Variants in RAD50 observed in about 807,000 individuals in gnomAD.
RAD50 encodes DNA repair protein RAD50.
RAD50 carries 132 observed loss-of-function variants against 168.8 expected under a neutral mutation model. The ratio of observed to expected loss-of-function variants is 0.78; its 90% CI spans 0.68 to 0.90. RAD50 has a LOEUF of 0.90. Ranked by LOEUF, RAD50 falls within the 40% of genes least tolerant of loss-of-function variation. The pLI, the probability that RAD50 is intolerant of heterozygous loss-of-function variation, is 0.00. For synonymous variants in RAD50, 525 were observed against 497.4 expected, an observed-to-expected ratio of 1.06 and a Z score of -0.74; for missense variants, 1,347 against 1,534.4, an observed-to-expected ratio of 0.88 and a Z score of 2.04.
At chr5:132,615,420 A>G (rs973914032) in intron 19 of RAD50, among the ~76,000 whole-genome samples, 2 of 152,176 alleles carry the variant, frequency 1.3e-5, no homozygotes, top group Non-Finnish European at 2.9e-5. Flanking sequence ...CAATTTGTCA[A>G]CCTAAAGGTA....
At position 132,643,734 on chromosome 5, in the gene RAD50, G is replaced by GGGGGGGGGGGGGGGGGGGGGCC; in HGVS notation, c.*1370_*1371insGGGGGGGGGGGGGGGGGGGGCC. ...GGGGGTGGTGGTGGGGTGGGGGGGGGTCCTAAATGTAATCACGAGTAAGAT... is the reference window on the plus strand; with the variant it reads ...GGGGGTGGTGGTGGGGTGGGGGGGGGGGGGGGGGGGGGGGGGGGGGCCTCCTAAATGTAATCACGAGTAAGAT... On this transcript the variant is annotated 3_prime_UTR_variant, in exon 25 of 25. Coordinates refer to ENST00000378823, the MANE Select transcript of RAD50 (RefSeq NM_005732.4). The GGGGGGGGGGGGGGGGGGGGGCC allele has an allele frequency of 5.6e-6, 1 of 177,114 alleles. No homozygotes were observed. Among genetic ancestry groups the GGGGGGGGGGGGGGGGGGGGGCC allele is most frequent in the Non-Finnish European group, 1.2e-5 (1 of 84,834 alleles). The allele number at this position is 177,114 out of a possible 1,614,324, so 11.0% of individuals were successfully genotyped here. A position where few individuals can be genotyped will look rare whatever the true frequency, so the allele number is the denominator to read the frequency against.
At chr5:132,630,235 G>A (rs1487976672) in intron 21 of RAD50, among the ~76,000 whole-genome samples, 1 of 151,964 alleles carries the variant, frequency 6.6e-6, no homozygotes, top group African/African-American at 2.4e-5. Context: ...GTAGAGACGG[G>A]GTTTCACCAT....
At chr5:132,637,913 C>G (rs1228063821) in intron 22 of RAD50, 168 bp from the exon 23 acceptor site, 1 of 747,196 alleles carries the variant, frequency 1.3e-6, no homozygotes, top group African/African-American at 1.8e-5. Context: ...GGCCAGACCA[C>G]CAGGCTCTTG....
In RAD50 at chr5:132,591,858, A is replaced by G. The variant is rs536383439; in HGVS notation, c.1636-19A>G. ...GAGATATAGACTTTATTTTTAAAAGATTTTTTTTTTACCTATAGGCTGACA... is the reference window on the plus strand; with the variant it reads ...GAGATATAGACTTTATTTTTAAAAGGTTTTTTTTTTACCTATAGGCTGACA... On this transcript the variant is annotated intron_variant, in intron 10 of 24. Transcript: ENST00000378823. 2 of 1,444,612 alleles carry G rather than the reference A, an allele frequency of 1.4e-6. No homozygotes were observed. Among genetic ancestry groups the G allele is most frequent in the Non-Finnish European group, 1.9e-6 (2 of 1,051,558 alleles). The allele number at this position is 1,444,612 out of a possible 1,614,324, so 89.5% of individuals were successfully genotyped here. A position where few individuals can be genotyped will look rare whatever the true frequency, so the allele number is the denominator to read the frequency against.
chr5:132,579,971 T>A lies in RAD50; in HGVS notation c.661T>A (p.Cys221Ser). The A allele has an allele frequency of 3.7e-6, 6 of 1,612,778 alleles. No homozygotes were observed. The highest frequency in any genetic ancestry group is 5.1e-6 in the Non-Finnish European group (6 of 1,178,876). Residue 221 changes from cysteine (C) to serine (S), a missense_variant, in exon 5 of 25, where the codon TGT becomes AGT. Coordinates refer to ENST00000378823, the MANE Select transcript of RAD50 (RefSeq NM_005732.4). ...KYLKQYKEKA[C>S]EIRDQITSKE... ...TCTGAAGCAATATAAGGAAAAAGCT[T>A]GTGAGATTCGTGATCAGATTACAAG... is the stretch of plus-strand genomic sequence containing the variant.
chr5:132,625,590 A>G (rs1038156674), intron 21 of RAD50, among the ~76,000 whole-genome samples: 1 of 152,168 alleles, frequency 6.6e-6, no homozygotes, highest in African/African-American at 2.4e-5. Flanking sequence ...TTTTAAATGT[A>G]CAATACATTG....
intron 21 of RAD50, among the ~76,000 whole-genome samples, chr5:132,624,795 A>T (rs1751342076): frequency 6.6e-6 from 1 of 150,850 alleles, no homozygotes; most frequent in East Asian, 2.0e-4. Flanking sequence ...AGCTACTCAG[A>T]AGCCCGTGGC....
intron 11 of RAD50, 102 bp downstream of exon 11, chr5:132,592,136 T>C: frequency 3.9e-6 from 5 of 1,287,214 alleles, no homozygotes; most frequent in Non-Finnish European, 5.6e-6. Flanking sequence ...TATGTTATAT[T>C]GATAAACTTT....
intron 23 of RAD50, among the ~76,000 whole-genome samples, chr5:132,640,146 C>T (rs1222319664): frequency 6.6e-6 from 1 of 152,176 alleles, no homozygotes; most frequent in Non-Finnish European, 1.5e-5. Flanking sequence ...CATTTCTATA[C>T]TCCTGATACT....
At chr5:132,557,978 C>A (rs2149830533) in intron 1 of RAD50, among the ~76,000 whole-genome samples, 1 of 147,546 alleles carries the variant, frequency 6.8e-6, no homozygotes, top group East Asian at 2.0e-4. Flanking sequence ...AAAACTCAGT[C>A]AAAAATTTAA....
intron 20 of RAD50, among the ~76,000 whole-genome samples, chr5:132,616,739 G>A (rs1464974431): frequency 6.6e-6 from 1 of 152,150 alleles, no homozygotes; most frequent in African/African-American, 2.4e-5. Context: ...GCACTAGACT[G>A]GTATAAAAGG....
chr5:132,595,134 C>T, intron 12 of RAD50, 90 bp downstream of exon 12: 4 of 1,375,866 alleles, frequency 2.9e-6, no homozygotes, highest in Non-Finnish European at 4.1e-6. Flanking sequence ...ATTTAAAAAC[C>T]TGGTTATGGA....
chr5:132,640,598 C>G, intron 23 of RAD50, 74 bp from the exon 24 acceptor site: 1 of 1,596,644 alleles, frequency 6.3e-7, no homozygotes, highest in African/African-American at 1.3e-5. Flanking sequence ...CTGAAAAGAT[C>G]ATGTCAGGAC....
At chr5:132,582,244 G>C (rs2149838874) in intron 5 of RAD50, among the ~76,000 whole-genome samples, 1 of 152,298 alleles carries the variant, frequency 6.6e-6, no homozygotes, top group African/African-American at 2.4e-5. Flanking sequence ...TCTAACCAAG[G>C]CTGTAGCAGA....
intron 16 of RAD50, among the ~76,000 whole-genome samples, chr5:132,608,207 G>C (rs920120603): frequency 6.6e-6 from 1 of 152,218 alleles, no homozygotes; most frequent in Non-Finnish European, 1.5e-5. Flanking sequence ...CTTTGATCAT[G>C]CAGCAGTGAC....
intron 13 of RAD50, among the ~76,000 whole-genome samples, chr5:132,597,245 A>G (rs908598135): frequency 6.6e-6 from 1 of 152,040 alleles, no homozygotes; most frequent in African/African-American, 2.4e-5. Context: ...GCCTAAGAAG[A>G]TGTGGTTTGT....
chr5:132,637,569 A>C (rs1302658040), intron 22 of RAD50, among the ~76,000 whole-genome samples: 7 of 142,774 alleles, frequency 4.9e-5, no homozygotes, highest in African/African-American at 1.9e-4. Flanking sequence ...CTTCTCTGTC[A>C]CCCGGGCTGG....
At chr5:132,620,099 G>A (rs776171457) in intron 21 of RAD50, among the ~76,000 whole-genome samples, 142 of 151,834 alleles carry the variant, frequency 9.4e-4, no homozygotes, top group Non-Finnish European at 1.3e-3. Context: ...TAGAGATGGG[G>A]TTTCACCGTG....
chr5:132,628,886 A>C lies in RAD50; in HGVS notation c.3390-8229A>C, dbSNP rs139080581. On this transcript the variant is annotated intron_variant, in intron 21 of 24. Coordinates refer to ENST00000378823, the MANE Select transcript of RAD50 (RefSeq NM_005732.4). ...AAAAAGAAATGGAGACAGAGAATATAGATAATTCTTATAACAACTTCTCCT... is the reference window on the plus strand; with the variant it reads ...AAAAAGAAATGGAGACAGAGAATATCGATAATTCTTATAACAACTTCTCCT... Among the ~76,000 whole-genome samples the C allele has an allele frequency of 1.4e-4, 22 of 152,162 alleles. No individual in the cohort carries two copies. In the East Asian group the frequency reaches 2.7e-3, roughly 19 times the overall value.
Sources: allele counts gnomAD v4.1 joint callset (sites outside exome capture counted in the v4.1 genomes callset), GRCh38; gene constraint gnomAD v4.1.1; transcripts MANE v1.5; gene names NCBI Gene and HGNC (gene_info 2026-07-23, HGNC 2026-07-21).